CTNNBL1: variants seen among roughly 807,000 people sequenced by gnomAD.
The protein encoded by CTNNBL1 is catenin beta like 1.
Under a neutral mutation model 72.7 loss-of-function variants are expected in CTNNBL1, and 31 were observed. That is an observed-to-expected ratio of 0.43 (90% confidence interval 0.32 to 0.58). The LOEUF is 0.58. Among genes scored for constraint, CTNNBL1 ranks in the 20% least tolerant of loss-of-function variants. CTNNBL1 has a pLI of 0.08. For synonymous variants in CTNNBL1, 240 were observed against 267.3 expected (o/e 0.90, Z 1.00); for missense variants, 534 against 725.1 (o/e 0.74, Z 3.03).
intron 7 of CTNNBL1, 58 bp from the exon 8 acceptor site, chr20:37,777,286 TC>T (rs1387804800): frequency 3.7e-6 from 5 of 1,367,076 alleles, no homozygotes; most frequent in Non-Finnish European, 4.2e-6. Flanking sequence ...GAAAAATTTG[TC>T]CTGGGGAAGG....
chr20:37,804,218 T>C (rs2071932055), intron 11 of CTNNBL1, among the ~76,000 whole-genome samples: 1 of 152,174 alleles, frequency 6.6e-6, no homozygotes, highest in South Asian at 2.1e-4. Context: ...AACCCCGTGC[T>C]AGATTTTCCC....
rs117806808 is a variant in CTNNBL1, at chr20:37,735,693, G to A, written c.220-1685G>A. Among the ~76,000 whole-genome samples the A allele has an allele frequency of 1.9e-3, 285 of 152,286 alleles. 1 individual carries two copies. Among genetic ancestry groups the A allele is most frequent in the Middle Eastern group, 6.8e-3 (2 of 294 alleles). On this transcript the variant is annotated intron_variant, in intron 2 of 15. Coordinates refer to ENST00000361383, the MANE Select transcript of CTNNBL1 (RefSeq NM_030877.5). ...GTCATTGGTATAATCTAATAAATGT[G>A]TCATGCTGAAAATGAATTTATGGGT...
intron 11 of CTNNBL1, among the ~76,000 whole-genome samples, chr20:37,822,014 C>A (rs2072112333): frequency 1.3e-5 from 2 of 152,022 alleles, no homozygotes; most frequent in South Asian, 2.1e-4. Flanking sequence ...TCTTCCAGAT[C>A]TCAGGACTGT....
At chr20:37,821,078 C>T (rs1234071049) in intron 11 of CTNNBL1, among the ~76,000 whole-genome samples, 1 of 152,208 alleles carries the variant, frequency 6.6e-6, no homozygotes, top group Non-Finnish European at 1.5e-5. Flanking sequence ...ACTCTTTTCT[C>T]TCCTCCACAT....
At chr20:37,793,219 G>T (rs1255836913) in intron 10 of CTNNBL1, among the ~76,000 whole-genome samples, 1 of 152,202 alleles carries the variant, frequency 6.6e-6, no homozygotes, top group Non-Finnish European at 1.5e-5. Flanking sequence ...ATTGAGAGAA[G>T]AATATTGAAA....
chr20:37,790,966 G>A (rs1399649832), intron 10 of CTNNBL1, among the ~76,000 whole-genome samples: 2 of 152,124 alleles, frequency 1.3e-5, no homozygotes, highest in East Asian at 1.9e-4. Context: ...TGTCCATTAT[G>A]TATTAGTTTG....
At chr20:37,794,473 C>G (rs1316050951) in intron 10 of CTNNBL1, among the ~76,000 whole-genome samples, 3 of 152,008 alleles carry the variant, frequency 2.0e-5, no homozygotes. Context: ...TGCACCACCA[C>G]CCCTGGCTAT....
intron 11 of CTNNBL1, among the ~76,000 whole-genome samples, chr20:37,811,701 TGAA>T: frequency 6.6e-6 from 1 of 152,338 alleles, no homozygotes; most frequent in African/African-American, 2.4e-5. Flanking sequence ...TGTTTGCCAT[TGAA>T]GAAGACAGTG....
At chr20:37,705,452 G>A (rs1600432568) in intron 1 of CTNNBL1, among the ~76,000 whole-genome samples, 1 of 152,084 alleles carries the variant, frequency 6.6e-6, no homozygotes, top group East Asian at 1.9e-4. Flanking sequence ...GCATGCTACA[G>A]CAACATGGCA....
At chr20:37,733,140 C>G (rs1050632274) in intron 2 of CTNNBL1, 73 bp downstream of exon 2, 1 of 1,255,588 alleles carries the variant, frequency 8.0e-7, no homozygotes, top group Non-Finnish European at 1.1e-6. Flanking sequence ...AAATACTAAG[C>G]TTGTCTGAGC....
chr20:37,829,938 C>G (rs1227952959), intron 11 of CTNNBL1, among the ~76,000 whole-genome samples: 1 of 152,040 alleles, frequency 6.6e-6, no homozygotes, highest in Non-Finnish European at 1.5e-5. Flanking sequence ...CTCACATGAT[C>G]CTCCCACTTT....
chr20:37,767,577 T>C lies in CTNNBL1; in HGVS notation c.659-376T>C, dbSNP rs557228829. Reference sequence around the variant, plus strand: ...AGTTCACCAGACCCTGAGTTTTCCCTAAGGCTTTTGCCTAGCTCCCAATCT... The same window carrying C: ...AGTTCACCAGACCCTGAGTTTTCCCCAAGGCTTTTGCCTAGCTCCCAATCT... On this transcript the variant is annotated intron_variant, in intron 6 of 15. Coordinates refer to ENST00000361383, the MANE Select transcript of CTNNBL1 (RefSeq NM_030877.5). Among the ~76,000 whole-genome samples, 15 of 152,348 alleles carry C rather than the reference T, an allele frequency of 9.8e-5. No individual in the cohort carries two copies. In the South Asian group the frequency reaches 3.1e-3, roughly 32 times the overall value.
At position 37,864,153 on chromosome 20, in the gene CTNNBL1, C is replaced by A. The variant is rs564869978; in HGVS notation, c.1603+3809C>A. On this transcript the variant is annotated intron_variant, in intron 15 of 15. Coordinates refer to ENST00000361383, the MANE Select transcript of CTNNBL1 (RefSeq NM_030877.5). ...GGAGGCTGGGCTCTTCTGGGACCCC[C>A]GTCCAAAAGCCCATCTGGTTCTCCT... Among the ~76,000 whole-genome samples the A allele has an allele frequency of 2.6e-5, 4 of 152,212 alleles. No individual in the cohort carries two copies. The South Asian group carries it at 6.2e-4, about 24-fold the overall frequency.
intron 13 of CTNNBL1, among the ~76,000 whole-genome samples, 153 bp downstream of exon 13, chr20:37,842,572 C>T (rs753838003): frequency 3.2e-4 from 49 of 152,146 alleles, no homozygotes; most frequent in Non-Finnish European, 6.2e-4. Flanking sequence ...CAAGTGGTTA[C>T]GACTGCTCTT....
rs981523342 is a variant in CTNNBL1 at position 37,744,802 on chromosome 20, T to A, written c.327-1666T>A. On this transcript the variant is annotated intron_variant, in intron 3 of 15. Transcript: ENST00000361383. The stretch of plus-strand genomic sequence containing the variant: ...CAACAGCAAAATGAATATAGAACTA[T>A]ATACTATATAGGCTTACTTTTTGGG... 4 of 152,222 alleles carry A rather than the reference T, an allele frequency of 2.6e-5. No homozygotes were observed. In the East Asian group the frequency reaches 7.7e-4, roughly 29 times the overall value. The allele number at this position is 152,222 out of a possible 1,614,324, so 9.4% of individuals were successfully genotyped here.
At chr20:37,750,569 T>G (rs2073310021) in intron 4 of CTNNBL1, 1 of 152,198 alleles carries the variant, frequency 6.6e-6, no homozygotes, top group South Asian at 2.1e-4. Flanking sequence ...AATCCATTTT[T>G]GTGGACTGCT....
chr20:37,765,335 GT>G, intron 6 of CTNNBL1, 45 bp downstream of exon 6: 1 of 1,244,650 alleles, frequency 8.0e-7, no homozygotes, highest in Non-Finnish European at 1.2e-6. Flanking sequence ...CTTTGTGTTT[GT>G]TTTGGGACTC....
At chr20:37,709,255 G>A (rs945166591) in intron 1 of CTNNBL1, among the ~76,000 whole-genome samples, 1 of 152,146 alleles carries the variant, frequency 6.6e-6, no homozygotes, top group African/African-American at 2.4e-5. Context: ...CAGTTTTGCT[G>A]GCATTATTTT....
chr20:37,837,592 C>T (rs774557022), intron 11 of CTNNBL1, among the ~76,000 whole-genome samples: 10 of 152,128 alleles, frequency 6.6e-5, no homozygotes, highest in Non-Finnish European at 1.2e-4. Context: ...TGTAACTGAA[C>T]AATTTGAAAG....
Sources: gnomAD v4.1 joint callset for allele counts (sites outside exome capture counted in the v4.1 genomes callset) on GRCh38, gnomAD v4.1.1 for gene constraint, MANE v1.5 for transcripts, NCBI Gene and HGNC (gene_info 2026-07-23, HGNC 2026-07-21) for gene names.